CTNNB1: variants seen among roughly 807,000 people sequenced by gnomAD.
The protein encoded by CTNNB1 is catenin beta-1.
In CTNNB1, 6 loss-of-function variants were observed where a neutral mutation model predicts 82.5. That is an observed-to-expected ratio of 0.07 (90% CI 0.04 to 0.14). CTNNB1 has a LOEUF of 0.14. Among genes scored for constraint, CTNNB1 ranks in the 10% least tolerant of loss-of-function variants. CTNNB1 has a pLI of 1.00. For missense variants in CTNNB1, 529 were observed against 980.4 expected, an observed-to-expected ratio of 0.54 and a Z score of 6.15; for synonymous variants, 312 against 329.7, an observed-to-expected ratio of 0.95 and a Z score of 0.58.
intron 10 of CTNNB1, chr3:41,234,528 A>G (rs1268320936): frequency 3.6e-6 from 2 of 557,198 alleles, no homozygotes; most frequent in East Asian, 3.2e-5. Flanking sequence ...CAGTCTTACA[A>G]AGGTTGGGTT....
rs759232889 is a variant in CTNNB1, at chr3:41,224,982, A to C, written c.270A>C (p.Arg90=). 6.2e-7 allele frequency: 1 copy of C among 1,614,034 alleles called. No homozygotes were observed. The highest frequency in any genetic ancestry group is 1.1e-5 in the South Asian group (1 of 91,088). ...ADIDGQYAMT[R]AQRVRAAMFP... is the part of the protein sequence containing the mutation. Reference sequence around the variant, plus strand: ...TTGATGGACAGTATGCAATGACTCGAGCTCAGAGGGTACGAGCTGCTATGT... The same window carrying C: ...TTGATGGACAGTATGCAATGACTCGCGCTCAGAGGGTACGAGCTGCTATGT... The change falls in exon 4 of 15, where the codon CGA becomes CGC. Residue 90 remains arginine, a synonymous_variant. Coordinates refer to ENST00000349496, the MANE Select transcript of CTNNB1 (RefSeq NM_001904.4).
chr3:41,240,144 A>G lies in CTNNB1; in HGVS notation c.*802A>G, dbSNP rs1559480807. The G allele has an allele frequency of 4.8e-6, 1 of 208,190 alleles. No homozygotes were observed. Among genetic ancestry groups the G allele is most frequent in the Non-Finnish European group, 9.8e-6 (1 of 101,888 alleles). 12.9% of individuals were successfully genotyped at this position (208,190 alleles called of 1,614,324 possible). A position where few individuals can be genotyped will look rare whatever the true frequency, so the allele number is the denominator to read the frequency against. On this transcript the variant is annotated 3_prime_UTR_variant, in exon 15 of 15. Transcript: ENST00000349496. The stretch of plus-strand genomic sequence containing the variant: ...ATCACTCTAATTAATTGTAATCTGA[A>G]TAAAGTGTAACAATTGTGTAGCCTT...
rs765762800 is a variant in CTNNB1, at chr3:41,235,793, C to G, written c.1753C>G (p.His585Asp). The change falls in exon 11 of 15, where the codon CAC (histidine) becomes GAC (aspartate). Residue 585 changes from histidine to aspartate, a missense_variant. This residue lies in a region of CTNNB1 where 411 missense variants were observed against 776.4 expected (regional missense o/e 0.53). Coordinates refer to ENST00000349496, the MANE Select transcript of CTNNB1 (RefSeq NM_001904.4). ...GALHILARDVHNRIVIRGLNT... is the reference protein window; with the variant it reads ...GALHILARDVDNRIVIRGLNT... The stretch of plus-strand genomic sequence containing the variant: ...CCTTCACATCCTAGCTCGGGATGTT[C>G]ACAACCGAATTGTTATCAGAGGACT... 1.2e-6 allele frequency: 2 copies of G among 1,613,908 alleles called. No homozygotes were observed. Among genetic ancestry groups the G allele is most frequent in the East Asian group, 2.2e-5 (1 of 44,882 alleles).
chr3:41,199,927 G>A (rs1479452600), intron 1 of CTNNB1: 1 of 149,670 alleles, frequency 6.7e-6, no homozygotes, highest in African/African-American at 2.5e-5. Flanking sequence ...GGGGCGCCGC[G>A]GGGGCGCGTA....
chr3:41,239,875 A>C lies in CTNNB1; in HGVS notation c.*533A>C. Reference sequence around the variant, plus strand: ...CTCAAGAAGTGAAGAATGCACAAGAATGGATCACAAGATGGAATTTATCAA... The same window carrying C: ...CTCAAGAAGTGAAGAATGCACAAGACTGGATCACAAGATGGAATTTATCAA... On this transcript the variant is annotated 3_prime_UTR_variant, in exon 15 of 15. Coordinates refer to ENST00000349496, the MANE Select transcript of CTNNB1 (RefSeq NM_001904.4). 1 of 230,352 alleles carries C rather than the reference A, an allele frequency of 4.3e-6. No individual in the cohort carries two copies. 14.3% of individuals were successfully genotyped at this position (230,352 alleles called of 1,614,324 possible). A position where few individuals can be genotyped will look rare whatever the true frequency, so the allele number is the denominator to read the frequency against.
chr3:41,228,377 A>G (rs527697628), intron 7 of CTNNB1, among the ~76,000 whole-genome samples: 1 of 152,316 alleles, frequency 6.6e-6, no homozygotes, highest in African/African-American at 2.4e-5. Context: ...CCTCACCAGC[A>G]TCTGTCATTT....
Position 41,233,584 on chromosome 3 carries a change from T to A in CTNNB1, c.1241T>A (p.Ile414Lys). Reference protein sequence around the residue: ...TLVQLLGSDDINVVTCAAGIL... With the variant: ...TLVQLLGSDDKNVVTCAAGIL... ...GTTCAGCTTCTGGGTTCAGATGATA[T>A]AAATGTGGTCACCTGTGCAGCTGGA... Residue 414 changes from isoleucine to lysine, a missense_variant, in exon 9 of 15, where the codon ATA becomes AAA. Ile to Lys is a moderately radical substitution (Grantham distance 102, BLOSUM62 -3). Transcript: ENST00000349496. The A allele has an allele frequency of 6.2e-7, 1 of 1,614,172 alleles. No homozygotes were observed. The highest frequency in any genetic ancestry group is 8.5e-7 in the Non-Finnish European group (1 of 1,180,026).
intron 7 of CTNNB1, among the ~76,000 whole-genome samples, chr3:41,229,658 C>G (rs1294381835): frequency 6.6e-6 from 1 of 151,940 alleles, no homozygotes; most frequent in Non-Finnish European, 1.5e-5. Context: ...AAACAGACTT[C>G]CTATTTGGAT....
At chr3:41,226,447 A>G (rs955367117) in intron 6 of CTNNB1, among the ~76,000 whole-genome samples, 9 of 152,318 alleles carry the variant, frequency 5.9e-5, no homozygotes, top group South Asian at 2.1e-4. Context: ...GGAGGAAGTG[A>G]TAGTTGAGTT....
chr3:41,213,495 A>G (rs143790815), intron 1 of CTNNB1, among the ~76,000 whole-genome samples: 1 of 152,340 alleles, frequency 6.6e-6, no homozygotes, highest in African/African-American at 2.4e-5. Flanking sequence ...CCATGTCTGC[A>G]TTCTGCAGTA....
At chr3:41,214,622 G>T (rs865815717) in intron 1 of CTNNB1, among the ~76,000 whole-genome samples, 1 of 151,970 alleles carries the variant, frequency 6.6e-6, no homozygotes, top group African/African-American at 2.4e-5. Flanking sequence ...TCTATTACAG[G>T]TCTTCACATT....
At chr3:41,215,260 A>G (rs1268410511) in intron 1 of CTNNB1, among the ~76,000 whole-genome samples, 4 of 147,886 alleles carry the variant, frequency 2.7e-5, no homozygotes, top group Admixed American at 6.8e-5. Context: ...GGTGGTGGGC[A>G]GTAATCCCAG....
chr3:41,238,223 C>G (rs899623086), intron 14 of CTNNB1, 147 bp downstream of exon 14: 9 of 732,376 alleles, frequency 1.2e-5, no homozygotes, highest in Admixed American at 9.9e-5. Context: ...TTCCAGTCAG[C>G]AACAGTATCT....
chr3:41,223,971 T>C lies in CTNNB1; in HGVS notation c.-48-50T>C, dbSNP rs4135375. 62 of 1,293,854 alleles carry C rather than the reference T, an allele frequency of 4.8e-5. No individual in the cohort carries two copies. The African/African-American group carries it at 8.9e-4, about 19-fold the overall frequency. The allele number at this position is 1,293,854 out of a possible 1,614,324, so 80.1% of individuals were successfully genotyped here. ...CAGGTATCCCAGTGACTTAGGAGTA[T>C]TAATCAAGCTAAATTTAAATCCTAA... On this transcript the variant is annotated intron_variant, in intron 1 of 14. Transcript: ENST00000349496.
At chr3:41,221,308 T>C (rs1343519928) in intron 1 of CTNNB1, 4 of 152,048 alleles carry the variant, frequency 2.6e-5, no homozygotes, top group Non-Finnish European at 4.4e-5. Context: ...CGTGTTACTA[T>C]AGGCAGTTGA....
chr3:41,236,818 C>A (rs182264486), intron 13 of CTNNB1, 109 bp downstream of exon 13: 1 of 1,452,730 alleles, frequency 6.9e-7, no homozygotes, highest in Non-Finnish European at 9.6e-7. Flanking sequence ...TTGATGTTTC[C>A]CTGGCTTGAG....
chr3:41,203,781 T>C (rs572852348), intron 1 of CTNNB1, among the ~76,000 whole-genome samples: 3 of 152,336 alleles, frequency 2.0e-5, no homozygotes, highest in African/African-American at 7.2e-5. Context: ...CCTATGTTCA[T>C]GGTTTTTCTG....
At chr3:41,221,559 G>A (rs11928435) in intron 1 of CTNNB1, 2,887 of 152,120 alleles carry the variant, frequency 0.019, 107 homozygotes, top group African/African-American at 0.066. Flanking sequence ...GTCCAGGCTG[G>A]TCTTGGAACT....
At position 41,225,406 on chromosome 3, in the gene CTNNB1, C is replaced by T. The variant is rs2078152341; in HGVS notation, c.568C>T (p.Arg190Cys). 10 of 1,613,910 alleles carry T rather than the reference C, an allele frequency of 6.2e-6. No individual in the cohort carries two copies. Among genetic ancestry groups the T allele is most frequent in the Non-Finnish European group, 8.5e-6 (10 of 1,179,962 alleles). The change falls in exon 5 of 15, where the codon CGT (arginine) becomes TGT (cysteine). Residue 190 changes from arginine (R) to cysteine (C), a missense_variant. Coordinates refer to ENST00000349496, the MANE Select transcript of CTNNB1 (RefSeq NM_001904.4). The surrounding 1 kb of genome is among the most constrained non-coding windows in gnomAD (Gnocchi z 5.3). ...GGAAGCTTCCAGACACGCTATCATG[C>T]GTTCTCCTCAGATGGTGTCTGCTAT... ...KKEASRHAIM[R>C]SPQMVSAIVR... is the part of the protein sequence containing the mutation.
Sources: gnomAD v4.1 joint callset for allele counts (sites outside exome capture counted in the v4.1 genomes callset) on GRCh38, gnomAD v4.1.1 for gene constraint, gnomAD v4.1.1 regional missense constraint, Gnocchi (gnomAD v3.1) non-coding constraint, MANE v1.5 for transcripts, NCBI Gene and HGNC (gene_info 2026-07-23, HGNC 2026-07-21) for gene names.